The following LRRC4C variants were observed in gnomAD, a reference collection of about 807,000 sequenced individuals.
The protein encoded by LRRC4C is leucine-rich repeat-containing protein 4C.
A neutral mutation model predicts 33.6 loss-of-function variants in LRRC4C; 5 were observed. The ratio of observed to expected loss-of-function variants is 0.15; its 90% CI spans 0.08 to 0.31. The LOEUF is 0.31. Ranked by LOEUF, LRRC4C falls within the 10% of genes least tolerant of loss-of-function variation. LRRC4C has a pLI of 1.00. For synonymous variants in LRRC4C, 329 were observed against 302.0 expected (o/e 1.09, Z -0.93); for missense variants, 560 against 796.7 (o/e 0.70, Z 3.58).
intron 3 of LRRC4C, among the ~76,000 whole-genome samples, chr11:40,361,894 G>A (rs1005678547): frequency 1.3e-5 from 2 of 152,120 alleles, no homozygotes; most frequent in Non-Finnish European, 2.9e-5. Context: ...AAAACAGCAT[G>A]GTACTGGTAA....
At chr11:40,623,112 T>C (rs1962610810) in intron 3 of LRRC4C, among the ~76,000 whole-genome samples, 1 of 151,756 alleles carries the variant, frequency 6.6e-6, no homozygotes, top group Non-Finnish European at 1.5e-5. Context: ...TACCAAGATT[T>C]GCCAGGGTCT....
At position 40,114,884 on chromosome 11, in the gene LRRC4C, C is replaced by T. The variant is rs74858686; in HGVS notation, c.1409G>A (p.Arg470Gln). The T allele has an allele frequency of 2.3e-4, 378 of 1,614,084 alleles. 2 individuals carry two copies. The East Asian group carries it at 4.0e-3, about 17-fold the overall frequency. Residue 470 changes from arginine to glutamine, a missense_variant, in exon 7 of 7, where the codon CGG becomes CAG. Arg to Gln is a conservative substitution (Grantham distance 43). Coordinates refer to ENST00000528697, the MANE Select transcript of LRRC4C (RefSeq NM_001258419.2). ...ETMEPSQDEARTTDNNVGPTP... is the reference protein window; with the variant it reads ...ETMEPSQDEAQTTDNNVGPTP... ...GGGACCCACATTGTTATCTGTGGTCCGTGCCTCATCCTGAGACGGTTCCAT... is the reference window on the plus strand; with the variant it reads ...GGGACCCACATTGTTATCTGTGGTCTGTGCCTCATCCTGAGACGGTTCCAT...
chr11:40,615,265 TAC>T (rs1263574075), intron 3 of LRRC4C, among the ~76,000 whole-genome samples: 1,789 of 53,290 alleles, frequency 0.034, 40 homozygotes, highest in African/African-American at 0.064. Context: ...TATATATATA[TAC>T]ACACACACAC....
At position 40,263,740 on chromosome 11, in the gene LRRC4C, G is replaced by A. The variant is rs80295293; in HGVS notation, c.-175-22142C>T. Among the ~76,000 whole-genome samples the A allele has an allele frequency of 2.7e-3, 404 of 152,234 alleles. 1 individual carries two copies. The highest frequency in any genetic ancestry group is 9.5e-3 in the African/African-American group (395 of 41,532). The stretch of plus-strand genomic sequence containing the variant: ...TCACCGCAGGAAAGGCCATTCATGC[G>A]GCTAAATTCTGGATGACAGAATGTG... On this transcript the variant is annotated intron_variant, in intron 4 of 6. Coordinates refer to ENST00000528697, the MANE Select transcript of LRRC4C (RefSeq NM_001258419.2).
intron 1 of LRRC4C, among the ~76,000 whole-genome samples, chr11:41,282,017 G>A (rs1162773681): frequency 1.3e-5 from 2 of 152,246 alleles, no homozygotes; most frequent in African/African-American, 4.8e-5. Flanking sequence ...GATGTGTGAT[G>A]TGTGGGGTGG....
chr11:41,077,159 T>C (rs1021409025), intron 1 of LRRC4C, among the ~76,000 whole-genome samples: 2 of 152,204 alleles, frequency 1.3e-5, no homozygotes, highest in Non-Finnish European at 2.9e-5. Context: ...TCAATGCCTG[T>C]GGCTTTCTTG....
chr11:41,256,538 C>T (rs897526064), intron 1 of LRRC4C, among the ~76,000 whole-genome samples: 5 of 152,078 alleles, frequency 3.3e-5, no homozygotes, highest in African/African-American at 1.2e-4. Flanking sequence ...GTGGTTACAG[C>T]AAACCCAGAG....
intron 6 of LRRC4C, among the ~76,000 whole-genome samples, chr11:40,125,092 C>A (rs1468541256): frequency 6.6e-6 from 1 of 152,136 alleles, no homozygotes; most frequent in Non-Finnish European, 1.5e-5. Context: ...TAGCTAAGCT[C>A]ATGTCTAAGC....
intron 1 of LRRC4C, among the ~76,000 whole-genome samples, chr11:41,075,014 C>CT (rs869112602): frequency 5.6e-4 from 57 of 101,094 alleles, no homozygotes; most frequent in African/African-American, 1.8e-3. Context: ...CTTCAATTTT[C>CT]TTTTTTTTTT....
intron 1 of LRRC4C, among the ~76,000 whole-genome samples, chr11:41,418,258 A>T (rs2138293514): frequency 6.6e-6 from 1 of 152,130 alleles, no homozygotes; most frequent in African/African-American, 2.4e-5. Flanking sequence ...ATGAGAAAAT[A>T]TTCCACTGTT....
chr11:41,012,508 C>T (rs1285569650), intron 1 of LRRC4C, among the ~76,000 whole-genome samples: 1 of 152,028 alleles, frequency 6.6e-6, no homozygotes, highest in Non-Finnish European at 1.5e-5. Context: ...ACACTGATTC[C>T]ATATTTTGGC....
chr11:40,908,207 G>A (rs1343359575), intron 2 of LRRC4C, among the ~76,000 whole-genome samples: 3 of 152,060 alleles, frequency 2.0e-5, no homozygotes. Context: ...TTGTGAAGAA[G>A]CCAGTTTCAC....
intron 6 of LRRC4C, among the ~76,000 whole-genome samples, chr11:40,124,396 A>G (rs1171863268): frequency 1.3e-5 from 2 of 152,218 alleles, no homozygotes; most frequent in African/African-American, 4.8e-5. Context: ...AAAGATTTGG[A>G]AGCAACCTAA....
In LRRC4C at chr11:40,737,576, T is replaced by TAA. The variant is rs139681677; in HGVS notation, c.-406-89300_-406-89299dup. ...CACAAGCATTCCTATACACCAATAA[T>TAA]AAAAAAAAACAGAGAGCCAAATCAC... On this transcript the variant is annotated intron_variant, in intron 2 of 6. Transcript: ENST00000528697. Among the ~76,000 whole-genome samples the TAA allele has an allele frequency of 2.6e-3, 389 of 150,260 alleles. 3 individuals carry two copies. The highest frequency in any genetic ancestry group is 8.2e-3 in the African/African-American group (335 of 40,884).
chr11:40,212,472 A>T (rs79228560), intron 5 of LRRC4C, among the ~76,000 whole-genome samples: 30 of 34,758 alleles, frequency 8.6e-4, no homozygotes, highest in Middle Eastern at 0.016. Flanking sequence ...AAGCAAAATT[A>T]AAAAAAAAAA....
Position 40,652,617 on chromosome 11 carries a change from C to T in LRRC4C, c.-406-4339G>A, listed in dbSNP as rs1942873581. ...ATGGAAAACAAGAGTTCATGGGATACAGAGTAGCTCCCTAAAATCTCACGT... is the reference window on the plus strand; with the variant it reads ...ATGGAAAACAAGAGTTCATGGGATATAGAGTAGCTCCCTAAAATCTCACGT... On this transcript the variant is annotated intron_variant, in intron 2 of 6. Coordinates refer to ENST00000528697, the MANE Select transcript of LRRC4C (RefSeq NM_001258419.2). Among the ~76,000 whole-genome samples the T allele has an allele frequency of 2.0e-5, 3 of 152,328 alleles. No individual in the cohort carries two copies. In the South Asian group the frequency reaches 6.2e-4, roughly 32 times the overall value.
At chr11:40,977,371 A>C (rs982472173) in intron 1 of LRRC4C, among the ~76,000 whole-genome samples, 1 of 152,146 alleles carries the variant, frequency 6.6e-6, no homozygotes, top group Non-Finnish European at 1.5e-5. Flanking sequence ...GTTGTCAAAT[A>C]TCTACTTTCA....
chr11:40,874,828 T>A (rs796734144), intron 2 of LRRC4C, among the ~76,000 whole-genome samples: 1 of 152,202 alleles, frequency 6.6e-6, no homozygotes, highest in African/African-American at 2.4e-5. Context: ...GATTGGAATA[T>A]GGACTGCTAG....
intron 1 of LRRC4C, among the ~76,000 whole-genome samples, chr11:41,273,158 A>G (rs1029474580): frequency 2.0e-5 from 3 of 152,164 alleles, no homozygotes; most frequent in African/African-American, 7.2e-5. Flanking sequence ...GTTAGTGAGG[A>G]TGTGGAGAAA....
Sources: gnomAD v4.1 joint callset for allele counts (sites outside exome capture counted in the v4.1 genomes callset) on GRCh38, gnomAD v4.1.1 for gene constraint, MANE v1.5 for transcripts, NCBI Gene and HGNC (gene_info 2026-07-23, HGNC 2026-07-21) for gene names.